Variants in ATP9A observed in about 807,000 individuals in gnomAD.
The protein encoded by ATP9A is probable phospholipid-transporting ATPase IIA.
Under a neutral mutation model 144.1 loss-of-function variants are expected in ATP9A, and 52 were observed. That is an observed-to-expected ratio of 0.36 (90% CI 0.29 to 0.45). The LOEUF is 0.45. Ranked by LOEUF, ATP9A falls within the 20% of genes least tolerant of loss-of-function variation. ATP9A has a pLI of 1.00. For synonymous variants in ATP9A, 582 were observed against 557.4 expected, an observed-to-expected ratio of 1.04 and a Z score of -0.62; for missense variants, 947 against 1,392.7, an observed-to-expected ratio of 0.68 and a Z score of 5.09.
chr20:51,616,883 C>G (rs1052112105), intron 22 of ATP9A, among the ~76,000 whole-genome samples: 7 of 152,000 alleles, frequency 4.6e-5, no homozygotes, highest in African/African-American at 1.7e-4. Flanking sequence ...ACTGACAACG[C>G]TGACTGTCCC....
rs1471511410 is a variant in ATP9A, at chr20:51,601,280, G to C, written c.3075C>G (p.Leu1025=). 6.2e-7 allele frequency: 1 copy of C among 1,613,950 alleles called. No individual in the cohort carries two copies. The highest frequency in any genetic ancestry group is 2.2e-5 in the East Asian group (1 of 44,868). Residue 1025 remains leucine (L), a synonymous_variant, in exon 28 of 28, where the codon CTC becomes CTG. Transcript: ENST00000338821. The stretch of plus-strand genomic sequence containing the variant: ...GCAGGTACTTGAGGACATAGAGGGG[G>C]AGGCAGCTGACCAGAGTGATGACGG... The part of the protein sequence containing the change: ...KVSVITLVSC[L]PLYVLKYLRR...
rs35997419 is a variant in ATP9A, at chr20:51,600,807, A to AACACACACACACACACAC, written c.*386_*403dup. On this transcript the variant is annotated 3_prime_UTR_variant, in exon 28 of 28. Transcript: ENST00000338821. ...TACATACACATTAGGACTCTTTAAAAACACACACACACACACACACACACA... is the reference window on the plus strand; with the variant it reads ...TACATACACATTAGGACTCTTTAAAAACACACACACACACACACACACACACACACACACACACACACA... The AACACACACACACACACAC allele has an allele frequency of 8.3e-6, 1 of 120,484 alleles. No individual in the cohort carries two copies. Among genetic ancestry groups the AACACACACACACACACAC allele is most frequent in the Non-Finnish European group, 2.0e-5 (1 of 50,626 alleles). The allele number at this position is 120,484 out of a possible 1,614,324, so 7.5% of individuals were successfully genotyped here. A position where few individuals can be genotyped will look rare whatever the true frequency, so the allele number is the denominator to read the frequency against.
In ATP9A at chr20:51,768,287, C is replaced by A; in HGVS notation, c.68+15G>T. On this transcript the variant is annotated intron_variant, in intron 1 of 27. Coordinates refer to ENST00000338821, the MANE Select transcript of ATP9A (RefSeq NM_006045.3). Reference sequence around the variant, plus strand: ...AGGCGCGGACAAAGGAAAACACGGGCCCAGGCCCACTCACCCGGCGCGGGG... The same window carrying A: ...AGGCGCGGACAAAGGAAAACACGGGACCAGGCCCACTCACCCGGCGCGGGG... The A allele has an allele frequency of 7.8e-7, 1 of 1,276,910 alleles. No homozygotes were observed. 79.1% of individuals were successfully genotyped at this position (1,276,910 alleles called of 1,614,324 possible).
intron 19 of ATP9A, among the ~76,000 whole-genome samples, chr20:51,619,907 G>A (rs970725950): frequency 3.4e-5 from 5 of 146,344 alleles, no homozygotes; most frequent in Admixed American, 6.9e-5. Flanking sequence ...TTTCATTTTC[G>A]GCCAGGTGTT....
chr20:51,738,642 G>A (rs1470893791), intron 1 of ATP9A, among the ~76,000 whole-genome samples: 7 of 152,012 alleles, frequency 4.6e-5, no homozygotes, highest in Admixed American at 1.3e-4. Flanking sequence ...CCTGGGAGGC[G>A]GAGGTTGCAG....
Position 51,600,928 on chromosome 20 carries a change from C to T in ATP9A, c.*283G>A, listed in dbSNP as rs182335221. The stretch of plus-strand genomic sequence containing the variant: ...AGTCATAAGGAAGCTCGCACAGTGA[C>T]CCATATAAATCTCCCAGCTGAGCCA... On this transcript the variant is annotated 3_prime_UTR_variant, in exon 28 of 28. Coordinates refer to ENST00000338821, the MANE Select transcript of ATP9A (RefSeq NM_006045.3). The T allele has an allele frequency of 3.5e-6, 1 of 288,894 alleles. No homozygotes were observed. Among genetic ancestry groups the T allele is most frequent in the Non-Finnish European group, 6.4e-6 (1 of 155,618 alleles). The allele number at this position is 288,894 out of a possible 1,614,324, so 17.9% of individuals were successfully genotyped here.
intron 14 of ATP9A, among the ~76,000 whole-genome samples, chr20:51,650,131 G>A (rs1272889046): frequency 6.6e-6 from 1 of 152,154 alleles, no homozygotes; most frequent in Non-Finnish European, 1.5e-5. Flanking sequence ...CCTCGCTGAG[G>A]TCACAGTGCA....
At chr20:51,632,443 G>C (rs1285604657) in intron 15 of ATP9A, among the ~76,000 whole-genome samples, 3 of 152,180 alleles carry the variant, frequency 2.0e-5, no homozygotes, top group African/African-American at 7.2e-5. Context: ...TTTGCATAGA[G>C]CATTTGGGTT....
chr20:51,608,943 G>GTGTGTGTGTGTGTGTGTA (rs2077174613), intron 24 of ATP9A, among the ~76,000 whole-genome samples: 2 of 151,798 alleles, frequency 1.3e-5, no homozygotes, highest in Non-Finnish European at 2.9e-5. Context: ...GTGTGTGTGT[G>GTGTGTGTGTGTGTGTGTA]TGTGTGTGTG....
Position 51,611,817 on chromosome 20 carries a change from T to C in ATP9A, c.2572-1652A>G, listed in dbSNP as rs1241833161. Among the ~76,000 whole-genome samples the C allele has an allele frequency of 6.6e-6, 1 of 152,208 alleles. No individual in the cohort carries two copies. Among genetic ancestry groups the C allele is most frequent in the Non-Finnish European group, 1.5e-5 (1 of 68,036 alleles). ...GTGGTCTGGTGAACCACAGCAGCTG[T>C]TTGGGTTTAGATCATTTTGATGAAA... On this transcript the variant is annotated intron_variant, in intron 23 of 27. Coordinates refer to ENST00000338821, the MANE Select transcript of ATP9A (RefSeq NM_006045.3). The surrounding 1 kb of genome is among the most constrained non-coding windows in gnomAD (Gnocchi z 4.2).
chr20:51,735,173 G>A (rs2077758194), intron 1 of ATP9A: 1 of 152,766 alleles, frequency 6.5e-6, no homozygotes, highest in Non-Finnish European at 1.5e-5. Flanking sequence ...ATAAGCCTGA[G>A]GCAGGGGGAA....
At chr20:51,651,564 A>AT (rs1333175902) in intron 14 of ATP9A, among the ~76,000 whole-genome samples, 7 of 151,920 alleles carry the variant, frequency 4.6e-5, no homozygotes, top group African/African-American at 1.7e-4. Flanking sequence ...ATCACAGGTT[A>AT]TTTTTTATCT....
intron 3 of ATP9A, among the ~76,000 whole-genome samples, chr20:51,724,640 C>A (rs36079546): frequency 0.04 from 6,083 of 152,232 alleles, 185 homozygotes; most frequent in African/African-American, 0.081. Flanking sequence ...GAATGTCAGC[C>A]CCACAGGGCA....
chr20:51,691,335 G>A (rs2077547516), intron 7 of ATP9A, among the ~76,000 whole-genome samples: 1 of 152,206 alleles, frequency 6.6e-6, no homozygotes, highest in Non-Finnish European at 1.5e-5. Flanking sequence ...CAGGCATGGT[G>A]GCGCGTGCCT....
At chr20:51,638,121 A>ATATAAATC (rs2077302889) in intron 15 of ATP9A, among the ~76,000 whole-genome samples, 1 of 103,004 alleles carries the variant, frequency 9.7e-6, no homozygotes, top group East Asian at 2.7e-4. Flanking sequence ...ATATATATAT[A>ATATAAATC]TATCTCATAG....
At chr20:51,756,909 C>T (rs970137635) in intron 1 of ATP9A, among the ~76,000 whole-genome samples, 37 of 151,900 alleles carry the variant, frequency 2.4e-4, no homozygotes, top group African/African-American at 8.7e-4. Flanking sequence ...GTTTTGTTTT[C>T]GGTTTTGTTT....
At chr20:51,610,517 G>C (rs1197742017) in intron 23 of ATP9A, among the ~76,000 whole-genome samples, 1 of 152,166 alleles carries the variant, frequency 6.6e-6, no homozygotes, top group East Asian at 1.9e-4. Context: ...TTAAGTTCCA[G>C]GACCCAGGAA....
chr20:51,678,240 G>A (rs2122798182), intron 9 of ATP9A, among the ~76,000 whole-genome samples: 1 of 152,180 alleles, frequency 6.6e-6, no homozygotes, highest in East Asian at 1.9e-4. Flanking sequence ...AGCTCTCAGG[G>A]AAGATCCCAG....
At chr20:51,743,396 ATTTTTT>A (rs769952209) in intron 1 of ATP9A, among the ~76,000 whole-genome samples, 1 of 89,856 alleles carries the variant, frequency 1.1e-5, no homozygotes, top group Non-Finnish European at 2.0e-5. Context: ...ACCGAAACTG[ATTTTTT>A]TTTTTTTTTT....
Sources: gnomAD v4.1 joint callset for allele counts (sites outside exome capture counted in the v4.1 genomes callset) on GRCh38, gnomAD v4.1.1 for gene constraint, Gnocchi (gnomAD v3.1) non-coding constraint, MANE v1.5 for transcripts, NCBI Gene and HGNC (gene_info 2026-07-23, HGNC 2026-07-21) for gene names.